RGPD2: variants seen among roughly 807,000 people sequenced by gnomAD.
RGPD2 encodes the protein RANBP2-like and GRIP domain-containing protein 2.
A neutral mutation model predicts 36.0 loss-of-function variants in RGPD2; 2 were observed. The ratio of observed to expected loss-of-function variants is 0.06; its 90% confidence interval spans 0.02 to 0.17. The LOEUF (loss-of-function observed/expected upper bound fraction) is 0.17, where lower values mean the gene tolerates loss of function less well. Ranked by LOEUF, RGPD2 falls within the 10% of genes least tolerant of loss-of-function variation. The probability of loss-of-function intolerance (pLI) is 1.00; values close to 1 mark genes in which losing one functional copy is unlikely to be tolerated. For missense variants in RGPD2, 40 were observed against 464.3 expected (o/e 0.09, Z 8.40); for synonymous variants, 19 against 163.8 (o/e 0.12, Z 6.75).
the RGPD2 span, among the ~76,000 whole-genome samples, chr2:87,841,924 T>A: frequency 2.1e-5 from 3 of 143,402 alleles, no homozygotes; most frequent in Admixed American, 2.1e-4. Context: ...TCAATAAATG[T>A]AATCCAGCAT....
chr2:87,860,312 A>AT, the RGPD2 span, among the ~76,000 whole-genome samples: 1 of 152,032 alleles, frequency 6.6e-6, no homozygotes, highest in Non-Finnish European at 1.5e-5. Flanking sequence ...GTGTATCCAC[A>AT]TGACAGAAAG....
chr2:87,978,989 CT>C, the RGPD2 span, among the ~76,000 whole-genome samples: 1 of 149,204 alleles, frequency 6.7e-6, no homozygotes, highest in Admixed American at 6.7e-5. Context: ...AATCTCAGCA[CT>C]TTGGGAGGTC....
upstream of RGPD2, among the ~76,000 whole-genome samples, chr2:87,827,120 C>A (rs1476075626): frequency 1.3e-5 from 2 of 151,716 alleles, no homozygotes; most frequent in African/African-American, 4.8e-5. Context: ...TATCTGTATA[C>A]CTATTTAATT....
rs1451421490 is a variant in RGPD2 at position 87,756,537 on chromosome 2, T to C, written c.*855A>G. On this transcript the variant is annotated 3_prime_UTR_variant, in exon 23 of 23. Transcript: ENST00000398146. ...TGTCTGATTCCACTAGAATGTGAGC[T>C]CTATGATGGCCAAGCCTCTGGCTGC... 1 of 330,382 alleles carries C rather than the reference T, an allele frequency of 3.0e-6. No individual in the cohort carries two copies. Among genetic ancestry groups the C allele is most frequent in the Non-Finnish European group, 5.8e-6 (1 of 172,360 alleles). 20.5% of individuals were successfully genotyped at this position (330,382 alleles called of 1,614,324 possible). A position where few individuals can be genotyped will look rare whatever the true frequency, so the allele number is the denominator to read the frequency against.
the RGPD2 span, among the ~76,000 whole-genome samples, chr2:87,847,327 A>G: frequency 6.6e-6 from 1 of 152,200 alleles, no homozygotes; most frequent in East Asian, 1.9e-4. Flanking sequence ...GTTTTTTAAT[A>G]TACAGGTATT....
At chr2:87,915,385 G>GTATATATGTATATTATATATAGTA in the RGPD2 span, among the ~76,000 whole-genome samples, 3 of 109,090 alleles carry the variant, frequency 2.8e-5, 1 homozygote, top group Non-Finnish European at 5.6e-5. Flanking sequence ...TATATATATT[G>GTATATATGTATATTATATATAGTA]TATATATATG....
At chr2:87,983,148 C>T in the RGPD2 span, among the ~76,000 whole-genome samples, 3 of 151,066 alleles carry the variant, frequency 2.0e-5, no homozygotes, top group East Asian at 2.0e-4. Flanking sequence ...GGCAAAACCC[C>T]GTCTCTACTA....
the RGPD2 span, among the ~76,000 whole-genome samples, chr2:87,905,305 G>C: frequency 2.6e-5 from 4 of 152,220 alleles, no homozygotes; most frequent in African/African-American, 7.2e-5. Context: ...CAGTTCACAG[G>C]ATTCTTCCCT....
the RGPD2 span, among the ~76,000 whole-genome samples, chr2:87,975,200 C>G: frequency 6.7e-6 from 1 of 149,566 alleles, no homozygotes; most frequent in Non-Finnish European, 1.5e-5. Context: ...TGTATCAGGG[C>G]TCTTTGCTCA....
chr2:87,860,135 T>C, the RGPD2 span, among the ~76,000 whole-genome samples: 2 of 152,170 alleles, frequency 1.3e-5, no homozygotes, highest in African/African-American at 4.8e-5. Flanking sequence ...TTTGGTGTGT[T>C]AGTCTATTCA....
chr2:87,903,557 C>T, the RGPD2 span, among the ~76,000 whole-genome samples: 1 of 151,874 alleles, frequency 6.6e-6, no homozygotes, highest in African/African-American at 2.4e-5. Flanking sequence ...TAGGTTCCTC[C>T]CCCCAGACAT....
intron 1 of RGPD2, among the ~76,000 whole-genome samples, chr2:87,822,139 G>C (rs1447517576): frequency 6.6e-6 from 1 of 152,144 alleles, no homozygotes; most frequent in Non-Finnish European, 1.5e-5. Context: ...GATTATACAG[G>C]ACAATGAGGA....
chr2:87,857,755 G>A, the RGPD2 span, among the ~76,000 whole-genome samples: 9 of 148,570 alleles, frequency 6.1e-5, no homozygotes, highest in South Asian at 2.1e-4. Context: ...TGGCCAACAC[G>A]GTGAAACCCC....
At chr2:87,917,234 T>C in the RGPD2 span, among the ~76,000 whole-genome samples, 1 of 147,410 alleles carries the variant, frequency 6.8e-6, no homozygotes, top group Non-Finnish European at 1.5e-5. Flanking sequence ...TATATATATA[T>C]AGGTTATTAT....
chr2:87,948,630 C>T, the RGPD2 span, among the ~76,000 whole-genome samples: 1 of 135,792 alleles, frequency 7.4e-6, no homozygotes, highest in Non-Finnish European at 1.6e-5. Flanking sequence ...ATCCACCCGC[C>T]TTAGCCTCCC....
At chr2:87,772,736 G>A (rs1420543448) in intron 21 of RGPD2, among the ~76,000 whole-genome samples, 1 of 131,348 alleles carries the variant, frequency 7.6e-6, no homozygotes, top group Admixed American at 7.9e-5. Flanking sequence ...GCTAATACAA[G>A]AGGAGAAAAA....
At chr2:87,972,729 G>C in the RGPD2 span, 2 of 1,610,658 alleles carry the variant, frequency 1.2e-6, no homozygotes, top group South Asian at 1.1e-5. Flanking sequence ...CAGCAGCTTC[G>C]AGAGCTGTGC....
the RGPD2 span, among the ~76,000 whole-genome samples, chr2:87,947,433 T>A: frequency 2.6e-5 from 4 of 152,304 alleles, no homozygotes; most frequent in Non-Finnish European, 5.9e-5. Context: ...TGAAACTCAC[T>A]CATTTCCTGC....
chr2:87,780,420 CTG>C (rs1230646132), intron 20 of RGPD2, among the ~76,000 whole-genome samples: 15 of 124,778 alleles, frequency 1.2e-4, no homozygotes, highest in African/African-American at 4.0e-4. Context: ...CTCACAGAAA[CTG>C]TACGCAAGTA....
Sources: allele counts gnomAD v4.1 joint callset (sites outside exome capture counted in the v4.1 genomes callset), GRCh38; gene constraint gnomAD v4.1.1; transcripts MANE v1.5; gene names NCBI Gene and HGNC (gene_info 2026-07-23, HGNC 2026-07-21).